TRERF1: variants seen among roughly 807,000 people sequenced by gnomAD.
TRERF1 encodes the protein transcriptional-regulating factor 1.
TRERF1 carries 27 observed loss-of-function variants against 122.9 expected under a neutral mutation model. The ratio of observed to expected loss-of-function variants is 0.22; its 90% CI spans 0.16 to 0.30. The LOEUF (loss-of-function observed/expected upper bound fraction) is 0.30. Among genes scored for constraint, TRERF1 ranks in the 10% least tolerant of loss-of-function variants. TRERF1 has a pLI of 1.00. For synonymous variants in TRERF1, 636 were observed against 641.7 expected (o/e 0.99, Z 0.13); for missense variants, 1,248 against 1,560.3 (o/e 0.80, Z 3.37).
intron 2 of TRERF1, among the ~76,000 whole-genome samples, chr6:42,443,933 A>G (rs1786997516): frequency 6.6e-6 from 1 of 152,046 alleles, no homozygotes; most frequent in African/African-American, 2.4e-5. Flanking sequence ...TCCATACATG[A>G]TCTGATTCCC....
intron 13 of TRERF1, among the ~76,000 whole-genome samples, chr6:42,252,817 T>C (rs1275019971): frequency 1.3e-5 from 2 of 152,216 alleles, no homozygotes; most frequent in African/African-American, 2.4e-5. Flanking sequence ...CTCAAACTTC[T>C]AGAAGATTCT....
chr6:42,398,689 T>C (rs1778969522), intron 2 of TRERF1, among the ~76,000 whole-genome samples: 1 of 152,224 alleles, frequency 6.6e-6, no homozygotes, highest in African/African-American at 2.4e-5. Context: ...TCAAGAAAGA[T>C]TTTGGATGAA....
At chr6:42,306,151 G>A (rs1582934910) in intron 3 of TRERF1, among the ~76,000 whole-genome samples, 2 of 151,636 alleles carry the variant, frequency 1.3e-5, no homozygotes, top group Non-Finnish European at 2.9e-5. Context: ...ACAGGCATGC[G>A]CCACCATGCC....
At chr6:42,297,784 C>T (rs1409585271) in intron 4 of TRERF1, among the ~76,000 whole-genome samples, 2 of 152,118 alleles carry the variant, frequency 1.3e-5, no homozygotes, top group African/African-American at 4.8e-5. Flanking sequence ...GACAACTCAA[C>T]CCACACCTCA....
intron 2 of TRERF1, among the ~76,000 whole-genome samples, chr6:42,403,183 G>A (rs561193149): frequency 9.9e-5 from 15 of 152,224 alleles, no homozygotes; most frequent in Admixed American, 9.8e-4. Context: ...ATGAAAGTGG[G>A]AGGGAAATAA....
At chr6:42,427,554 C>CT (rs11313717) in intron 2 of TRERF1, among the ~76,000 whole-genome samples, 30,739 of 142,846 alleles carry the variant, frequency 0.22, 3,635 homozygotes, top group African/African-American at 0.32. Flanking sequence ...CCCTGCCTTA[C>CT]TTTTTTTTTT....
intron 4 of TRERF1, among the ~76,000 whole-genome samples, chr6:42,286,764 C>G (rs1783304612): frequency 7.7e-6 from 1 of 130,174 alleles, no homozygotes; most frequent in East Asian, 2.2e-4. Context: ...ACTGGAAATA[C>G]CATTTGACCC....
At chr6:42,317,758 A>G (rs4711717) in intron 3 of TRERF1, among the ~76,000 whole-genome samples, 37,722 of 151,858 alleles carry the variant, frequency 0.25, 5,097 homozygotes, top group Admixed American at 0.39. Flanking sequence ...TCACTTGTTG[A>G]GAATTATTTT....
In TRERF1 at chr6:42,262,566, A is replaced by G. The variant is rs919234681; in HGVS notation, c.1884+754T>C. Among the ~76,000 whole-genome samples, 2 of 147,680 alleles carry G rather than the reference A, an allele frequency of 1.4e-5. 1 individual carries two copies. Among genetic ancestry groups the G allele is most frequent in the African/African-American group, 4.9e-5 (2 of 40,424 alleles). On this transcript the variant is annotated intron_variant, in intron 8 of 17. Transcript: ENST00000372922. ...GAGAGAGAGAGAGAGAGAGAGAGAGAGAGAGAGAGAGAGAGAGAGAGAGAG... is the reference window on the plus strand; with the variant it reads ...GAGAGAGAGAGAGAGAGAGAGAGAGGGAGAGAGAGAGAGAGAGAGAGAGAG...
chr6:42,431,015 G>C (rs1784415830), intron 2 of TRERF1, among the ~76,000 whole-genome samples: 1 of 149,864 alleles, frequency 6.7e-6, no homozygotes, highest in Non-Finnish European at 1.5e-5. Context: ...AGCTGAGATT[G>C]TGCCACTGCA....
chr6:42,385,137 C>T (rs1031531704), intron 2 of TRERF1, among the ~76,000 whole-genome samples: 2 of 152,018 alleles, frequency 1.3e-5, no homozygotes, highest in African/African-American at 2.4e-5. Flanking sequence ...CCACCACGCC[C>T]GGCTAATTTT....
chr6:42,317,998 A>G (rs1300319967), intron 3 of TRERF1, among the ~76,000 whole-genome samples: 1 of 152,120 alleles, frequency 6.6e-6, no homozygotes, highest in East Asian at 1.9e-4. Flanking sequence ...TACTAAAAAT[A>G]CAAAAATTAG....
chr6:42,234,074 T>C (rs953341658), intron 16 of TRERF1, among the ~76,000 whole-genome samples: 1 of 152,186 alleles, frequency 6.6e-6, no homozygotes, highest in African/African-American at 2.4e-5. Flanking sequence ...GCAGCATCTC[T>C]GGCCCTACCA....
At chr6:42,318,913 G>C (rs1762939323) in intron 3 of TRERF1, among the ~76,000 whole-genome samples, 1 of 152,198 alleles carries the variant, frequency 6.6e-6, no homozygotes, top group Admixed American at 6.5e-5. Context: ...AGTGTGGCCA[G>C]CCAGAGACTA....
intron 3 of TRERF1, among the ~76,000 whole-genome samples, chr6:42,352,197 G>A (rs1365452585): frequency 2.6e-5 from 4 of 152,122 alleles, no homozygotes; most frequent in Non-Finnish European, 5.9e-5. Flanking sequence ...GTTTTGCCAT[G>A]TTGCCCAGGC....
At chr6:42,318,402 T>C (rs1762852841) in intron 3 of TRERF1, among the ~76,000 whole-genome samples, 1 of 151,038 alleles carries the variant, frequency 6.6e-6, no homozygotes, top group Non-Finnish European at 1.5e-5. Flanking sequence ...ATAGACAAAA[T>C]TTCTTTCTTT....
At chr6:42,316,830 G>A (rs1484985182) in intron 3 of TRERF1, among the ~76,000 whole-genome samples, 1 of 152,090 alleles carries the variant, frequency 6.6e-6, no homozygotes, top group East Asian at 1.9e-4. Context: ...CCCCTCCACC[G>A]CCCCCAGCTT....
intron 4 of TRERF1, among the ~76,000 whole-genome samples, chr6:42,279,120 G>C (rs754666409): frequency 2.0e-5 from 3 of 152,218 alleles, no homozygotes; most frequent in Non-Finnish European, 4.4e-5. Flanking sequence ...GGCCTCACAG[G>C]GTGGGAGCCA....
chr6:42,236,774 T>C (rs921183011), intron 15 of TRERF1, among the ~76,000 whole-genome samples: 3 of 152,234 alleles, frequency 2.0e-5, no homozygotes, highest in African/African-American at 4.8e-5. Context: ...TGCCTGTAAG[T>C]AGCTCTGTCT....
Sources: gnomAD v4.1 joint callset for allele counts (sites outside exome capture counted in the v4.1 genomes callset) on GRCh38, gnomAD v4.1.1 for gene constraint, MANE v1.5 for transcripts, NCBI Gene and HGNC (gene_info 2026-07-23, HGNC 2026-07-21) for gene names.